Variants in ADAMTS6 observed in about 807,000 individuals in gnomAD.
The protein encoded by ADAMTS6 is A disintegrin and metalloproteinase with thrombospondin motifs 6.
ADAMTS6 carries 23 observed loss-of-function variants against 144.3 expected under a neutral mutation model. That is an observed-to-expected ratio of 0.16 (90% confidence interval 0.11 to 0.23). The LOEUF (loss-of-function observed/expected upper bound fraction) is 0.23. Among genes scored for constraint, ADAMTS6 ranks in the 10% least tolerant of loss-of-function variants. The pLI is 1.00. For synonymous variants in ADAMTS6, 444 were observed against 457.5 expected (o/e 0.97, Z 0.38); for missense variants, 999 against 1,379.6 (o/e 0.72, Z 4.37).
At chr5:65,401,673 C>T (rs1753926226) in intron 7 of ADAMTS6, among the ~76,000 whole-genome samples, 2 of 152,168 alleles carry the variant, frequency 1.3e-5, no homozygotes, top group Non-Finnish European at 2.9e-5. Flanking sequence ...GAGGTTTCTG[C>T]TCTGATATGT....
rs1245957020 is a variant in ADAMTS6 at position 65,256,992 on chromosome 5, T to C, written c.1830+3608A>G. On this transcript the variant is annotated intron_variant, in intron 14 of 24. Coordinates refer to ENST00000381055, the MANE Select transcript of ADAMTS6 (RefSeq NM_197941.4). ...CTCTCTCTCTCTCTCTCTCTTTTTT[T>C]TTTTTTTTTTTTTTTTTGCTTAAGA... Among the ~76,000 whole-genome samples, 940 of 142,896 alleles carry C rather than the reference T, an allele frequency of 6.6e-3. 3 individuals carry two copies. The highest frequency in any genetic ancestry group is 0.013 in the East Asian group (62 of 4,906). 93.7% of individuals were successfully genotyped at this position (142,896 alleles called of 152,430 possible).
intron 24 of ADAMTS6, among the ~76,000 whole-genome samples, chr5:65,155,020 TC>T (rs1303592237): frequency 6.6e-6 from 1 of 152,138 alleles, no homozygotes; most frequent in Admixed American, 6.5e-5. Flanking sequence ...GTATGGAAGA[TC>T]CGGTTCCTAC....
chr5:65,419,215 A>G (rs1343955488), intron 7 of ADAMTS6, among the ~76,000 whole-genome samples: 1 of 152,222 alleles, frequency 6.6e-6, no homozygotes, highest in East Asian at 1.9e-4. Context: ...CTACATGGCC[A>G]TAACAAAAAA....
At chr5:65,470,329 T>C (rs1760337819) in intron 3 of ADAMTS6, among the ~76,000 whole-genome samples, 1 of 152,158 alleles carries the variant, frequency 6.6e-6, no homozygotes. Context: ...CGAGAACTTA[T>C]AACTGTAAGT....
At chr5:65,241,640 T>C (rs574692383) in intron 15 of ADAMTS6, among the ~76,000 whole-genome samples, 65 of 152,252 alleles carry the variant, frequency 4.3e-4, no homozygotes, top group African/African-American at 1.4e-3. Flanking sequence ...AGCAAAAATG[T>C]TTTCTAACTC....
At chr5:65,340,738 G>C (rs1399055334) in intron 7 of ADAMTS6, among the ~76,000 whole-genome samples, 4 of 151,468 alleles carry the variant, frequency 2.6e-5, no homozygotes, top group African/African-American at 9.7e-5. Context: ...CCTGTAAAGA[G>C]ATAAAAACAG....
At chr5:65,374,126 T>C (rs1294124044) in intron 7 of ADAMTS6, among the ~76,000 whole-genome samples, 1 of 152,126 alleles carries the variant, frequency 6.6e-6, no homozygotes, top group Non-Finnish European at 1.5e-5. Flanking sequence ...ATAAGAGCTA[T>C]CTATGACAAA....
intron 12 of ADAMTS6, among the ~76,000 whole-genome samples, chr5:65,263,871 T>C (rs556524792): frequency 1.3e-5 from 2 of 152,308 alleles, no homozygotes; most frequent in South Asian, 2.1e-4. Flanking sequence ...ATAAGGAACA[T>C]GGTTATCAGC....
intron 9 of ADAMTS6, among the ~76,000 whole-genome samples, chr5:65,311,826 A>G (rs552098040): frequency 1.3e-5 from 2 of 152,088 alleles, no homozygotes; most frequent in African/African-American, 4.8e-5. Context: ...GATTCTTTTT[A>G]AAATCATAAC....
At chr5:65,190,942 T>A (rs554451442) in intron 21 of ADAMTS6, among the ~76,000 whole-genome samples, 1 of 152,210 alleles carries the variant, frequency 6.6e-6, no homozygotes, top group South Asian at 2.1e-4. Flanking sequence ...CACTCTCCCA[T>A]CTAGTTTAAG....
intron 20 of ADAMTS6, among the ~76,000 whole-genome samples, chr5:65,199,428 T>C (rs1381015540): frequency 6.6e-6 from 1 of 152,218 alleles, no homozygotes; most frequent in Non-Finnish European, 1.5e-5. Context: ...GCAATTTGAA[T>C]CATAGATGAG....
chr5:65,317,762 C>T (rs953943629), intron 9 of ADAMTS6, among the ~76,000 whole-genome samples: 2 of 152,106 alleles, frequency 1.3e-5, no homozygotes, highest in Non-Finnish European at 2.9e-5. Context: ...TTTGAATAGA[C>T]ATTTCTCAAA....
At chr5:65,210,419 C>T (rs1235506520) in intron 20 of ADAMTS6, 1 of 184,046 alleles carries the variant, frequency 5.4e-6, no homozygotes, top group Non-Finnish European at 1.1e-5. Context: ...CCACTGCACT[C>T]CAGCCTGGGC....
chr5:65,198,597 A>T (rs1048296334), intron 20 of ADAMTS6: 2 of 167,078 alleles, frequency 1.2e-5, no homozygotes, highest in East Asian at 3.8e-4. Flanking sequence ...AGCTCATGAC[A>T]CTTAAATCCT....
chr5:65,440,177 T>C (rs1757758252), intron 7 of ADAMTS6, among the ~76,000 whole-genome samples: 1 of 152,216 alleles, frequency 6.6e-6, no homozygotes, highest in South Asian at 2.1e-4. Flanking sequence ...TGTCTACAAT[T>C]ACTCTCAAAA....
In ADAMTS6 at chr5:65,260,673, C is replaced by T. The variant is rs1181254906; in HGVS notation, c.1767-10G>A. Reference sequence around the variant, plus strand: ...TCCACCTCCTGAAGGTCTGAAAAAACATTGTGTTTAAAATGTGAATACTAA... The same window carrying T: ...TCCACCTCCTGAAGGTCTGAAAAAATATTGTGTTTAAAATGTGAATACTAA... On this transcript the variant is annotated splice_polypyrimidine_tract_variant and intron_variant, in intron 13 of 24. Coordinates refer to ENST00000381055, the MANE Select transcript of ADAMTS6 (RefSeq NM_197941.4). 6.2e-7 allele frequency: 1 copy of T among 1,611,302 alleles called. No homozygotes were observed. Among genetic ancestry groups the T allele is most frequent in the African/African-American group, 1.3e-5 (1 of 74,920 alleles).
At chr5:65,295,956 A>C (rs2112780695) in intron 10 of ADAMTS6, among the ~76,000 whole-genome samples, 1 of 152,230 alleles carries the variant, frequency 6.6e-6, no homozygotes, top group Non-Finnish European at 1.5e-5. Flanking sequence ...GGTCATCAGC[A>C]AAAATTTACA....
chr5:65,252,690 T>C (rs1039269986), intron 14 of ADAMTS6, among the ~76,000 whole-genome samples: 1 of 152,010 alleles, frequency 6.6e-6, no homozygotes, highest in Non-Finnish European at 1.5e-5. Context: ...CAATTATTAT[T>C]ATTATATGTA....
intron 9 of ADAMTS6, among the ~76,000 whole-genome samples, chr5:65,321,171 T>C (rs552950481): frequency 1.3e-5 from 2 of 152,202 alleles, no homozygotes; most frequent in Non-Finnish European, 2.9e-5. Context: ...TCACCAACAG[T>C]GTATAAGCAT....
Sources: gnomAD v4.1 joint callset for allele counts (sites outside exome capture counted in the v4.1 genomes callset) on GRCh38, gnomAD v4.1.1 for gene constraint, MANE v1.5 for transcripts, NCBI Gene and HGNC (gene_info 2026-07-23, HGNC 2026-07-21) for gene names.